MITF: variants seen among roughly 807,000 people sequenced by gnomAD.
The protein encoded by MITF is microphthalmia-associated transcription factor.
Under a neutral mutation model 60.5 loss-of-function variants are expected in MITF, and 17 were observed. The observed-to-expected ratio is 0.28, with a 90% confidence interval of 0.19 to 0.42. The LOEUF is 0.42. Ranked by LOEUF, MITF falls within the 10% of genes least tolerant of loss-of-function variation. MITF has a pLI of 1.00. For synonymous variants in MITF, 260 were observed against 248.5 expected, an observed-to-expected ratio of 1.05 and a Z score of -0.43; for missense variants, 622 against 683.5, an observed-to-expected ratio of 0.91 and a Z score of 1.00.
At chr3:69,887,454 T>C (rs2064648033) in intron 2 of MITF, among the ~76,000 whole-genome samples, 1 of 152,074 alleles carries the variant, frequency 6.6e-6, no homozygotes, top group Admixed American at 6.6e-5. Flanking sequence ...CCTGAATGTG[T>C]CTCCTTTTAT....
At chr3:69,817,835 T>C (rs975104725) in intron 1 of MITF, among the ~76,000 whole-genome samples, 16 of 152,150 alleles carry the variant, frequency 1.1e-4, no homozygotes, top group Non-Finnish European at 4.4e-5. Flanking sequence ...CTCTAGGGGC[T>C]TGGTTCATGT....
chr3:69,959,166 A>T, intron 8 of MITF, 107 bp from the exon 9 acceptor site: 2 of 1,279,628 alleles, frequency 1.6e-6, no homozygotes, highest in South Asian at 1.4e-5. Flanking sequence ...CTATTGAAAT[A>T]AAAAAAAATT....
chr3:69,741,632 A>G (rs1703532989), intron 1 of MITF, among the ~76,000 whole-genome samples: 1 of 152,232 alleles, frequency 6.6e-6, no homozygotes, highest in South Asian at 2.1e-4. Context: ...CGTTAATGCT[A>G]GAAACAGGTG....
chr3:69,778,788 A>G (rs1158064541), intron 1 of MITF: 1 of 152,148 alleles, frequency 6.6e-6, no homozygotes, highest in African/African-American at 2.4e-5. Flanking sequence ...AAAATTCTCA[A>G]CTTGCAAAAA....
intron 1 of MITF, among the ~76,000 whole-genome samples, chr3:69,838,982 GCA>G (rs1553687027): frequency 1.3e-5 from 2 of 152,166 alleles, no homozygotes; most frequent in Non-Finnish European, 1.5e-5. Context: ...AATTAGGGTA[GCA>G]CACTTTATGT....
intron 1 of MITF, among the ~76,000 whole-genome samples, chr3:69,843,027 G>T (rs761599185): frequency 3.2e-4 from 49 of 152,134 alleles, no homozygotes; most frequent in Non-Finnish European, 6.3e-4. Flanking sequence ...CTGCCAGATG[G>T]GCTGTCCAGT....
intron 1 of MITF, among the ~76,000 whole-genome samples, chr3:69,740,647 G>A (rs1042877873): frequency 1.3e-5 from 2 of 152,174 alleles, no homozygotes; most frequent in Non-Finnish European, 2.9e-5. Flanking sequence ...CGTACTTCTC[G>A]TTTACAATGT....
chr3:69,918,471 A>T (rs189008208), intron 2 of MITF, among the ~76,000 whole-genome samples: 2 of 152,318 alleles, frequency 1.3e-5, no homozygotes, highest in East Asian at 1.9e-4. Context: ...TTTTGTGACA[A>T]CAATTTTGGG....
chr3:69,764,386 G>A (rs1377437511), intron 1 of MITF, among the ~76,000 whole-genome samples: 1 of 152,122 alleles, frequency 6.6e-6, no homozygotes, highest in East Asian at 1.9e-4. Flanking sequence ...ACAGCTGGTG[G>A]GGATTAACAG....
intron 1 of MITF, among the ~76,000 whole-genome samples, chr3:69,795,226 C>A (rs1186579611): frequency 6.6e-6 from 1 of 152,092 alleles, no homozygotes; most frequent in East Asian, 1.9e-4. Flanking sequence ...TTCTCCCAAG[C>A]GATGTATTAT....
chr3:69,929,921 A>G (rs1362211685), intron 2 of MITF, among the ~76,000 whole-genome samples: 7 of 152,210 alleles, frequency 4.6e-5, no homozygotes, highest in African/African-American at 2.4e-5. Context: ...TATGAAAGAA[A>G]GGAGTCAAAG....
rs1020135001 is a variant in MITF at position 69,967,436 on chromosome 3, G to A, written c.*2188G>A. 8.6e-6 allele frequency: 2 copies of A among 233,104 alleles called. No individual in the cohort carries two copies. Among genetic ancestry groups the A allele is most frequent in the African/African-American group, 2.2e-5 (1 of 45,362 alleles). The allele number at this position is 233,104 out of a possible 1,614,324, so 14.4% of individuals were successfully genotyped here. Reference sequence around the variant, plus strand: ...GCGCTGGATGCAAAAGTTGAAGATCGTGATGCTATGATGTTAGTTTTCCTT... The same window carrying A: ...GCGCTGGATGCAAAAGTTGAAGATCATGATGCTATGATGTTAGTTTTCCTT... On this transcript the variant is annotated 3_prime_UTR_variant, in exon 10 of 10. Transcript: ENST00000352241.
chr3:69,815,044 A>C (rs2063159318), intron 1 of MITF, among the ~76,000 whole-genome samples: 1 of 152,180 alleles, frequency 6.6e-6, no homozygotes, highest in Non-Finnish European at 1.5e-5. Flanking sequence ...AGGTTTATAA[A>C]AACAGATGCT....
intron 1 of MITF, among the ~76,000 whole-genome samples, chr3:69,787,344 AG>A (rs1288651204): frequency 6.6e-6 from 1 of 152,226 alleles, no homozygotes; most frequent in Non-Finnish European, 1.5e-5. Flanking sequence ...TAAATAGTTG[AG>A]ACTCATGACA....
Position 69,939,118 on chromosome 3 carries a change from G to A in MITF, c.603G>A (p.Glu201=), listed in dbSNP as rs751528672. ...TGCAGGGATTTTATAAGTTTGAAGA[G>A]CAAAACAGGGCAGAGAGCGAGTGCC... ...CEKEGFYKFE[E]QNRAESECPG... The change falls in exon 4 of 10, where the codon GAG becomes GAA. Residue 201 remains glutamate (E), a synonymous_variant. Transcript: ENST00000352241. 3 of 1,614,046 alleles carry A rather than the reference G, an allele frequency of 1.9e-6. No individual in the cohort carries two copies. Among genetic ancestry groups the A allele is most frequent in the South Asian group, 2.2e-5 (2 of 91,068 alleles).
At chr3:69,801,663 A>G (rs1448005613) in intron 1 of MITF, among the ~76,000 whole-genome samples, 1 of 152,228 alleles carries the variant, frequency 6.6e-6, no homozygotes, top group Non-Finnish European at 1.5e-5. Context: ...GATTCCATGC[A>G]GTAGGAAGGC....
chr3:69,881,874 G>C (rs961438771), intron 2 of MITF, among the ~76,000 whole-genome samples: 1 of 151,922 alleles, frequency 6.6e-6, no homozygotes, highest in African/African-American at 2.4e-5. Context: ...AATTTTTAAA[G>C]GTTTAACTTG....
intron 1 of MITF, among the ~76,000 whole-genome samples, chr3:69,810,539 A>G (rs2063084387): frequency 6.6e-6 from 1 of 152,108 alleles, no homozygotes; most frequent in South Asian, 2.1e-4. Flanking sequence ...ACTAGTTTTG[A>G]TCTTTTATCA....
chr3:69,952,610 C>T (rs1476905789), intron 7 of MITF, among the ~76,000 whole-genome samples: 1 of 152,038 alleles, frequency 6.6e-6, no homozygotes, highest in Non-Finnish European at 1.5e-5. Flanking sequence ...AACACTTTCT[C>T]CTTATAAAAA....
Sources: gnomAD v4.1 joint callset for allele counts (sites outside exome capture counted in the v4.1 genomes callset) on GRCh38, gnomAD v4.1.1 for gene constraint, MANE v1.5 for transcripts, NCBI Gene and HGNC (gene_info 2026-07-23, HGNC 2026-07-21) for gene names.